Variants in BCL6 observed in about 807,000 individuals in gnomAD.
BCL6 encodes BCL6 transcription repressor, also known as B-cell lymphoma 6 protein.
Under a neutral mutation model 59.5 loss-of-function variants are expected in BCL6, and 7 were observed. That is an observed-to-expected ratio of 0.12 (90% CI 0.07 to 0.22). The LOEUF (loss-of-function observed/expected upper bound fraction) is 0.22, where lower values mean the gene tolerates loss of function less well. Among genes scored for constraint, BCL6 ranks in the 10% least tolerant of loss-of-function variants. The pLI is 1.00. For synonymous variants in BCL6, 339 were observed against 349.7 expected (o/e 0.97, Z 0.34); for missense variants, 685 against 939.4 (o/e 0.73, Z 3.54).
intron 1 of BCL6, among the ~76,000 whole-genome samples, chr3:187,745,139 A>T (rs567667083): frequency 6.6e-6 from 1 of 152,192 alleles, no homozygotes; most frequent in African/African-American, 2.4e-5. Context: ...TAATAAATAC[A>T]TAACAATCTA....
rs1036265781 is a variant in BCL6, at chr3:187,721,717, G to GT, written c.*740dup. 28 of 230,626 alleles carry GT rather than the reference G, an allele frequency of 1.2e-4. No individual in the cohort carries two copies. Among genetic ancestry groups the GT allele is most frequent in the Admixed American group, 3.4e-4 (6 of 17,676 alleles). The allele number at this position is 230,626 out of a possible 1,614,324, so 14.3% of individuals were successfully genotyped here. A position where few individuals can be genotyped will look rare whatever the true frequency, so the allele number is the denominator to read the frequency against. On this transcript the variant is annotated 3_prime_UTR_variant, in exon 10 of 10. Coordinates refer to ENST00000406870, the MANE Select transcript of BCL6 (RefSeq NM_001706.5). The surrounding 1 kb of genome is among the most constrained non-coding windows in gnomAD (Gnocchi z 4.2). The stretch of plus-strand genomic sequence containing the variant: ...TTCTGCAGATTTTTTTGTTCTTTTT[G>GT]TTTTTTTTAATACACACTTTGTAAA...
Position 187,729,953 on chromosome 3 carries a change from G to T in BCL6, c.452C>A (p.Pro151His). ...EEFLNSRMLM[P>H]QDIMAYRGRE... is the part of the protein sequence containing the mutation. ...ACCCCGATAGGCCATGATGTCTTGG[G>T]GCATCAGCATCCGGCTGTTGAGGAA... is the stretch of plus-strand genomic sequence containing the variant. The change falls in exon 5 of 10, where the codon CCC becomes CAC. Residue 151 changes from proline (P) to histidine (H), a missense_variant. By Grantham distance (77) the Pro-to-His change is moderately conservative. Around this residue, in one of 7 missense-constraint regions of BCL6, gnomAD observed 268 missense variants for 263.8 expected, o/e 1.02. Transcript: ENST00000406870. This position sits in a 1 kb window ranked among gnomAD's most constrained non-coding sequence, Gnocchi z 5.6. 1 of 1,611,902 alleles carries T rather than the reference G, an allele frequency of 6.2e-7. No homozygotes were observed. Among genetic ancestry groups the T allele is most frequent in the Non-Finnish European group, 8.5e-7 (1 of 1,178,708 alleles).
At chr3:187,744,641 T>G (rs1711802337) in intron 1 of BCL6, among the ~76,000 whole-genome samples, 1 of 151,724 alleles carries the variant, frequency 6.6e-6, no homozygotes, top group Admixed American at 6.6e-5. Context: ...TCGGTTCGGC[T>G]CGAAGGCAGG....
chr3:187,729,481 C>T lies in BCL6; in HGVS notation c.924G>A (p.Ser308=), dbSNP rs1431076340. 6.2e-6 allele frequency: 10 copies of T among 1,612,168 alleles called. No homozygotes were observed. Among genetic ancestry groups the T allele is most frequent in the Non-Finnish European group, 8.5e-6 (10 of 1,178,952 alleles). Reference sequence around the variant, plus strand: ...CGAAATGCAGGGCAATCTCATCTTCCGAGGAGGGTCTCTCTTCTTCTTTGC... The same window carrying T: ...CGAAATGCAGGGCAATCTCATCTTCTGAGGAGGGTCTCTCTTCTTCTTTGC... ...KASKEEERPS[S]EDEIALHFEP... is the part of the protein sequence containing the mutation. The change falls in exon 5 of 10, where the codon TCG becomes TCA. Residue 308 remains serine (S), a synonymous_variant. Coordinates refer to ENST00000406870, the MANE Select transcript of BCL6 (RefSeq NM_001706.5). This position sits in a 1 kb window ranked among gnomAD's most constrained non-coding sequence, Gnocchi z 5.6.
At chr3:187,745,279 A>T (rs1576886735) in intron 1 of BCL6, 131 bp downstream of exon 1, 3 of 398,676 alleles carry the variant, frequency 7.5e-6, no homozygotes, top group East Asian at 3.6e-5. Flanking sequence ...AGCATTTGGC[A>T]AGAGCGGAAA....
Position 187,729,872 on chromosome 3 carries a change from C to T in BCL6, c.533G>A (p.Arg178Lys). 1 of 1,614,116 alleles carries T rather than the reference C, an allele frequency of 6.2e-7. No homozygotes were observed. Among genetic ancestry groups the T allele is most frequent in the Non-Finnish European group, 8.5e-7 (1 of 1,180,014 alleles). The change falls in exon 5 of 10, where the codon AGA (arginine) becomes AAA (lysine). Residue 178 changes from arginine to lysine, a missense_variant. Arg to Lys is a conservative substitution (Grantham distance 26, BLOSUM62 2). Coordinates refer to ENST00000406870, the MANE Select transcript of BCL6 (RefSeq NM_001706.5). This position sits in a 1 kb window ranked among gnomAD's most constrained non-coding sequence, Gnocchi z 5.6. ...ACTGTACAGGCTGGGGGCAAAGGCT[C>T]TGCTCTCACACCCAGGGGCGCTCCT... ...PLRSAPGCESRAFAPSLYSGL... is the reference protein window; with the variant it reads ...PLRSAPGCESKAFAPSLYSGL...
At chr3:187,727,035 G>A (rs1211052000) in intron 6 of BCL6, 137 bp from the exon 7 acceptor site, 6 of 934,468 alleles carry the variant, frequency 6.4e-6, no homozygotes, top group Non-Finnish European at 9.7e-6. Flanking sequence ...ACATTCATGG[G>A]AGCTCGGAGC....
intron 5 of BCL6, 83 bp downstream of exon 5, chr3:187,728,967 A>G: frequency 1.3e-6 from 2 of 1,486,178 alleles, no homozygotes; most frequent in Non-Finnish European, 1.8e-6. Context: ...TAGGCTCAGC[A>G]ATTCAGGCAA....
chr3:187,729,496 T>C lies in BCL6; in HGVS notation c.909A>G (p.Glu303=), dbSNP rs754870744. Residue 303 remains glutamate (E), a synonymous_variant, in exon 5 of 10, where the codon GAA becomes GAG. Coordinates refer to ENST00000406870, the MANE Select transcript of BCL6 (RefSeq NM_001706.5). The surrounding 1 kb of genome is among the most constrained non-coding windows in gnomAD (Gnocchi z 5.6). ...TCTCATCTTCCGAGGAGGGTCTCTCTTCTTCTTTGCTGGCCTTGTCACAAG... is the reference window on the plus strand; with the variant it reads ...TCTCATCTTCCGAGGAGGGTCTCTCCTCTTCTTTGCTGGCCTTGTCACAAG... The part of the protein sequence containing the change: ...YFPCDKASKE[E]ERPSSEDEIA... 1 of 1,613,532 alleles carries C rather than the reference T, an allele frequency of 6.2e-7. No homozygotes were observed. The highest frequency in any genetic ancestry group is 1.1e-5 in the South Asian group (1 of 91,068).
intron 9 of BCL6, among the ~76,000 whole-genome samples, chr3:187,724,382 C>T (rs1718566898): frequency 6.6e-6 from 1 of 152,206 alleles, no homozygotes; most frequent in African/African-American, 2.4e-5. Flanking sequence ...CTAGAACATT[C>T]CAATCCCAGT....
rs1718450338 is a variant in BCL6 at position 187,722,134 on chromosome 3, A to T, written c.*324T>A. On this transcript the variant is annotated 3_prime_UTR_variant, in exon 10 of 10. Coordinates refer to ENST00000406870, the MANE Select transcript of BCL6 (RefSeq NM_001706.5). ...AAAACATATACATTCCTCATTTTGC[A>T]GACTAAAGTCAAGTCAGAACTTTTG... 3.8e-6 allele frequency: 1 copy of T among 266,210 alleles called. No homozygotes were observed. The highest frequency in any genetic ancestry group is 7.1e-6 in the Non-Finnish European group (1 of 140,342). The allele number at this position is 266,210 out of a possible 1,614,324, so 16.5% of individuals were successfully genotyped here.
In BCL6 at chr3:187,722,412, A is replaced by G; in HGVS notation, c.*46T>C. ...TAAAGTGTTACAGTATCCTTTGGGT[A>G]GATTCTGAGAAGGGGCTGGAGACGA... On this transcript the variant is annotated 3_prime_UTR_variant, in exon 10 of 10. Transcript: ENST00000406870. 4 of 1,502,552 alleles carry G rather than the reference A, an allele frequency of 2.7e-6. No homozygotes were observed. Among genetic ancestry groups the G allele is most frequent in the Non-Finnish European group, 3.6e-6 (4 of 1,112,924 alleles). 93.1% of individuals were successfully genotyped at this position (1,502,552 alleles called of 1,614,324 possible).
chr3:187,745,062 A>C (rs188318592), intron 1 of BCL6, among the ~76,000 whole-genome samples: 1 of 151,816 alleles, frequency 6.6e-6, no homozygotes, highest in Non-Finnish European at 1.5e-5. Context: ...AAAAACCAAA[A>C]CAACACAAGG....
chr3:187,733,661 G>A lies in BCL6; in HGVS notation c.33C>T (p.Phe11=), dbSNP rs1223611602. MASPADSCIQ[F]TRHASDVLLN... ...GAAGAACATCACTGGCATGGCGGGT[G>A]AACTGGATACAGCTGTCAGCCGGCG... The change falls in exon 3 of 10, where the codon TTC becomes TTT. Residue 11 remains phenylalanine, a synonymous_variant. Transcript: ENST00000406870. The A allele has an allele frequency of 1.9e-6, 3 of 1,614,022 alleles. No homozygotes were observed. The highest frequency in any genetic ancestry group is 2.5e-6 in the Non-Finnish European group (3 of 1,180,018).
At chr3:187,740,125 G>A (rs1711534838) in intron 1 of BCL6, among the ~76,000 whole-genome samples, 1 of 152,210 alleles carries the variant, frequency 6.6e-6, no homozygotes, top group Non-Finnish European at 1.5e-5. Context: ...CCGCCAGCAT[G>A]CGGACGCGCG....
chr3:187,744,033 T>C (rs1711743163), intron 1 of BCL6, among the ~76,000 whole-genome samples: 2 of 152,170 alleles, frequency 1.3e-5, no homozygotes, highest in South Asian at 4.2e-4. Flanking sequence ...TTCGTCTTTC[T>C]CCTCGCCCAA....
chr3:187,735,503 G>A (rs1719244308), intron 1 of BCL6, among the ~76,000 whole-genome samples: 1 of 152,200 alleles, frequency 6.6e-6, no homozygotes, highest in South Asian at 2.1e-4. Flanking sequence ...AGACTCTGCA[G>A]AACACAGCCT....
intron 1 of BCL6, among the ~76,000 whole-genome samples, chr3:187,743,830 C>G (rs1298996182): frequency 6.6e-6 from 1 of 150,736 alleles, no homozygotes; most frequent in Non-Finnish European, 1.5e-5. Flanking sequence ...TTCCCCCATT[C>G]TTACTCCCTC....
At chr3:187,740,038 G>A (rs1319265043) in intron 1 of BCL6, among the ~76,000 whole-genome samples, 1 of 152,132 alleles carries the variant, frequency 6.6e-6, no homozygotes, top group Non-Finnish European at 1.5e-5. Flanking sequence ...GGGAGGGGCC[G>A]AACTCGATCC....
Sources: allele counts gnomAD v4.1 joint callset (sites outside exome capture counted in the v4.1 genomes callset), GRCh38; gene constraint gnomAD v4.1.1; regional missense constraint gnomAD v4.1.1; non-coding constraint Gnocchi (gnomAD v3.1); transcripts MANE v1.5; gene names NCBI Gene and HGNC (gene_info 2026-07-23, HGNC 2026-07-21).